UGT1A1: variants seen among roughly 807,000 people sequenced by gnomAD.
UGT1A1 encodes UDP-glucuronosyltransferase 1A1.
UGT1A1 carries 33 observed loss-of-function variants against 40.6 expected under a neutral mutation model. The ratio of observed to expected loss-of-function variants is 0.81; its 90% CI spans 0.62 to 1.09. The LOEUF is 1.09. Among genes scored for constraint, UGT1A1 ranks in the 50% least tolerant of loss-of-function variants. The probability of loss-of-function intolerance (pLI) is 0.00; values close to 1 mark genes in which losing one functional copy is unlikely to be tolerated. For synonymous variants in UGT1A1, 249 were observed against 265.0 expected (o/e 0.94, Z 0.59); for missense variants, 694 against 671.2 (o/e 1.03, Z -0.38).
intron 4 of UGT1A1, chr2:233,771,165 A>T (rs927521180): frequency 6.6e-6 from 1 of 152,234 alleles, no homozygotes; most frequent in African/African-American, 2.4e-5. Context: ...CATCTCCAGC[A>T]CTGGGGATTA....
rs549328655 is a variant in UGT1A1 at position 233,768,346 on chromosome 2, T to C, written c.1211T>C (p.Met404Thr). 31 of 1,614,146 alleles carry C rather than the reference T, an allele frequency of 1.9e-5. No individual in the cohort carries two copies. Among genetic ancestry groups the C allele is most frequent in the Non-Finnish European group, 2.5e-5 (30 of 1,180,016 alleles). ...GATCAGATGGACAATGCAAAGCGCA[T>C]GGAGACTAAGGGAGCTGGAGTGACC... ...FGDQMDNAKR[M>T]ETKGAGVTLN... Residue 404 changes from methionine to threonine, a missense_variant, in exon 4 of 5, where the codon ATG becomes ACG. Physicochemically the swap from Met to Thr is moderately conservative, Grantham distance 81 (BLOSUM62 -1). Transcript: ENST00000305208.
chr2:233,765,183 T>A (rs1157736453), intron 1 of UGT1A1, among the ~76,000 whole-genome samples: 1 of 152,162 alleles, frequency 6.6e-6, no homozygotes. Flanking sequence ...CCCTGCCACA[T>A]CACACAATCA....
At chr2:233,770,680 G>T (rs940972002) in intron 4 of UGT1A1, 1 of 151,464 alleles carries the variant, frequency 6.6e-6, no homozygotes, top group African/African-American at 2.4e-5. Flanking sequence ...AAAAAAGAAG[G>T]TTCCAAGAAA....
intron 1 of UGT1A1, among the ~76,000 whole-genome samples, chr2:233,764,312 GA>G (rs1174079806): frequency 1.3e-5 from 2 of 152,150 alleles, no homozygotes; most frequent in East Asian, 3.8e-4. Flanking sequence ...AAGTTTAAGG[GA>G]AGCTTTGCCA....
At chr2:233,763,561 T>A (rs1698343622) in intron 1 of UGT1A1, among the ~76,000 whole-genome samples, 1 of 152,248 alleles carries the variant, frequency 6.6e-6, no homozygotes, top group Admixed American at 6.5e-5. Context: ...GTCAAGTTAC[T>A]GTTCTTATTT....
At position 233,768,333 on chromosome 2, in the gene UGT1A1, A is replaced by C. The variant is rs28934877; in HGVS notation, c.1198A>C (p.Asn400His). The change falls in exon 4 of 5, where the codon AAT becomes CAT. Residue 400 changes from asparagine (N) to histidine (H), a missense_variant. By Grantham distance (68) the Asn-to-His change is moderately conservative. Transcript: ENST00000305208. ...GCCCTTGTTTGGTGATCAGATGGAC[A>C]ATGCAAAGCGCATGGAGACTAAGGG... Reference protein sequence around the residue: ...MMPLFGDQMDNAKRMETKGAG... With the variant: ...MMPLFGDQMDHAKRMETKGAG... The C allele has an allele frequency of 3.7e-6, 6 of 1,614,220 alleles. 1 individual carries two copies. In the East Asian group the frequency reaches 1.1e-4, roughly 30 times the overall value.
rs373052727 is a variant in UGT1A1 at position 233,772,330 on chromosome 2, C to T, written c.1373C>T (p.Ala458Val). ...CGCCCGGTGGAGCCGCTGGACCTGGCCGTGTTCTGGGTGGAGTTTGTGATG... is the reference window on the plus strand; with the variant it reads ...CGCCCGGTGGAGCCGCTGGACCTGGTCGTGTTCTGGGTGGAGTTTGTGATG... Reference protein sequence around the residue: ...KDRPVEPLDLAVFWVEFVMRH... With the variant: ...KDRPVEPLDLVVFWVEFVMRH... The change falls in exon 5 of 5, where the codon GCC (alanine) becomes GTC (valine). Residue 458 changes from alanine to valine, a missense_variant. Ala to Val is a moderately conservative substitution (Grantham distance 64). Transcript: ENST00000305208. 1.2e-6 allele frequency: 2 copies of T among 1,614,146 alleles called. No homozygotes were observed. The highest frequency in any genetic ancestry group is 1.7e-6 in the Non-Finnish European group (2 of 1,180,034).
rs1700557199 is a variant in UGT1A1 at position 233,772,921 on chromosome 2, GT to G, written c.*366del. ...ACGGCTGCCCCTACTGCAAATGGCA[GT>G]TTTAATCTTATCTTTTGGCTTCTGC... On this transcript the variant is annotated 3_prime_UTR_variant, in exon 5 of 5. Coordinates refer to ENST00000305208, the MANE Select transcript of UGT1A1 (RefSeq NM_000463.3). 2.7e-6 allele frequency: 1 copy of G among 366,684 alleles called. No individual in the cohort carries two copies. The highest frequency in any genetic ancestry group is 2.1e-5 in the African/African-American group (1 of 47,608). 22.7% of individuals were successfully genotyped at this position (366,684 alleles called of 1,614,324 possible). A position where few individuals can be genotyped will look rare whatever the true frequency, so the allele number is the denominator to read the frequency against.
intron 1 of UGT1A1, among the ~76,000 whole-genome samples, chr2:233,761,962 G>T (rs1257423083): frequency 6.6e-6 from 1 of 152,228 alleles, no homozygotes; most frequent in Non-Finnish European, 1.5e-5. Context: ...CCATTAAGGG[G>T]ACTGATATCA....
In UGT1A1 at chr2:233,760,693, C is replaced by T. The variant is rs1697531217; in HGVS notation, c.406C>T (p.Leu136Phe). 3 of 1,614,162 alleles carry T rather than the reference C, an allele frequency of 1.9e-6. No individual in the cohort carries two copies. The highest frequency in any genetic ancestry group is 2.5e-6 in the Non-Finnish European group (3 of 1,180,020). Residue 136 changes from leucine (L) to phenylalanine (F), a missense_variant, in exon 1 of 5, where the codon CTC becomes TTC. Physicochemically the swap from Leu to Phe is conservative, Grantham distance 22. Coordinates refer to ENST00000305208, the MANE Select transcript of UGT1A1 (RefSeq NM_000463.3). ...GCSHLLHNKELMASLAESSFD... is the reference protein window; with the variant it reads ...GCSHLLHNKEFMASLAESSFD... ...TTCCCACTTACTGCACAACAAGGAG[C>T]TCATGGCCTCCCTGGCAGAAAGCAG... is the stretch of plus-strand genomic sequence containing the variant.
Position 233,760,773 on chromosome 2 carries a change from G to A in UGT1A1, c.486G>A (p.Gln162=). The A allele has an allele frequency of 6.2e-7, 1 of 1,613,944 alleles. No homozygotes were observed. Among genetic ancestry groups the A allele is most frequent in the Non-Finnish European group, 8.5e-7 (1 of 1,179,880 alleles). Reference sequence around the variant, plus strand: ...TTCCTTGCAGCCCCATCGTGGCCCAGTACCTGTCTCTGCCCACTGTATTCT... The same window carrying A: ...TTCCTTGCAGCCCCATCGTGGCCCAATACCTGTCTCTGCCCACTGTATTCT... The part of the protein sequence containing the change: ...PFLPCSPIVA[Q]YLSLPTVFFL... Residue 162 remains glutamine (Q), a synonymous_variant, in exon 1 of 5, where the codon CAG becomes CAA. Transcript: ENST00000305208.
intron 1 of UGT1A1, among the ~76,000 whole-genome samples, chr2:233,764,416 C>T (rs559795881): frequency 6.6e-6 from 1 of 152,154 alleles, no homozygotes; most frequent in South Asian, 2.1e-4. Flanking sequence ...GTTTGCCCTG[C>T]GTGAATCTCC....
intron 1 of UGT1A1, among the ~76,000 whole-genome samples, chr2:233,764,955 T>G (rs891211439): frequency 6.6e-6 from 1 of 151,792 alleles, no homozygotes; most frequent in Non-Finnish European, 1.5e-5. Flanking sequence ...GAGAGAGGGC[T>G]CACCTTGGGA....
At chr2:233,767,802 T>C in intron 2 of UGT1A1, 47 bp from the exon 3 acceptor site, 1 of 1,614,174 alleles carries the variant, frequency 6.2e-7, no homozygotes, top group East Asian at 2.2e-5. Flanking sequence ...TGTTTTCTAA[T>C]CATATTATGT....
chr2:233,766,183 A>T (rs1370975589), intron 1 of UGT1A1, among the ~76,000 whole-genome samples: 1 of 152,070 alleles, frequency 6.6e-6, no homozygotes, highest in African/African-American at 2.4e-5. Flanking sequence ...TATTGAGTGG[A>T]TGTAGCTCTC....
At chr2:233,764,492 C>G (rs1698575712) in intron 1 of UGT1A1, among the ~76,000 whole-genome samples, 1 of 152,096 alleles carries the variant, frequency 6.6e-6, no homozygotes, top group African/African-American at 2.4e-5. Context: ...TGTTTATGGA[C>G]CTGTGGGTTC....
chr2:233,769,545 C>T lies in UGT1A1; in HGVS notation c.1304+1106C>T. ...ACCTCCTTTAGAAAGAAGCAGCAGT[C>T]AGGAAGACAGATGTGAAGAGCTGGA... is the stretch of plus-strand genomic sequence containing the variant. On this transcript the variant is annotated intron_variant, in intron 4 of 4. Transcript: ENST00000305208. This position sits in a 1 kb window ranked among gnomAD's most constrained non-coding sequence, Gnocchi z 4.4. 6.2e-7 allele frequency: 1 copy of T among 1,612,746 alleles called. No homozygotes were observed. Among genetic ancestry groups the T allele is most frequent in the Non-Finnish European group, 8.5e-7 (1 of 1,179,828 alleles).
chr2:233,762,443 C>A (rs1698075308), intron 1 of UGT1A1, among the ~76,000 whole-genome samples: 1 of 152,222 alleles, frequency 6.6e-6, no homozygotes, highest in Non-Finnish European at 1.5e-5. Flanking sequence ...TGTATTCCCA[C>A]TGCCCACTTA....
intron 1 of UGT1A1, among the ~76,000 whole-genome samples, chr2:233,766,597 G>A (rs1228112720): frequency 6.6e-6 from 1 of 152,126 alleles, no homozygotes; most frequent in Non-Finnish European, 1.5e-5. Flanking sequence ...CCTCGCCAGG[G>A]ACCACACCCT....
Sources: allele counts gnomAD v4.1 joint callset (sites outside exome capture counted in the v4.1 genomes callset), GRCh38; gene constraint gnomAD v4.1.1; non-coding constraint Gnocchi (gnomAD v3.1); transcripts MANE v1.5; gene names NCBI Gene and HGNC (gene_info 2026-07-23, HGNC 2026-07-21).